Variants in SORCS2 observed in about 807,000 individuals in gnomAD.
The protein encoded by SORCS2 is sortilin related VPS10 domain containing receptor 2.
A neutral mutation model predicts 141.6 loss-of-function variants in SORCS2; 100 were observed. That is an observed-to-expected ratio of 0.71 (90% CI 0.60 to 0.83). The LOEUF (loss-of-function observed/expected upper bound fraction) is 0.83. SORCS2 is among the 40% of genes least tolerant of loss of function. The probability of loss-of-function intolerance (pLI) is 0.00; values close to 1 mark genes in which losing one functional copy is unlikely to be tolerated. For synonymous variants in SORCS2, 789 were observed against 676.9 expected, an observed-to-expected ratio of 1.17 and a Z score of -2.57; for missense variants, 1,646 against 1,560.2, an observed-to-expected ratio of 1.05 and a Z score of -0.93.
intron 1 of SORCS2, among the ~76,000 whole-genome samples, chr4:7,236,950 C>G (rs1288420391): frequency 1.3e-5 from 2 of 152,206 alleles, no homozygotes; most frequent in African/African-American, 4.8e-5. Context: ...GGAGACCTGG[C>G]CTTGGGGGAG....
At chr4:7,264,749 C>G (rs1317078986) in intron 1 of SORCS2, among the ~76,000 whole-genome samples, 2 of 152,340 alleles carry the variant, frequency 1.3e-5, no homozygotes, top group South Asian at 2.1e-4. Flanking sequence ...TGGGTCTGCT[C>G]TCTGCAGTCC....
intron 3 of SORCS2, among the ~76,000 whole-genome samples, chr4:7,580,373 C>G (rs767491346): frequency 1.6e-4 from 25 of 151,990 alleles, no homozygotes; most frequent in Non-Finnish European, 2.5e-4. Flanking sequence ...GTTTGTAATC[C>G]CAGCTACTCA....
chr4:7,616,481 G>T (rs1403362108), intron 3 of SORCS2, among the ~76,000 whole-genome samples: 1 of 151,934 alleles, frequency 6.6e-6, no homozygotes, highest in Admixed American at 6.6e-5. Flanking sequence ...TCTAGCCCCT[G>T]AGCTACCCTT....
intron 2 of SORCS2, among the ~76,000 whole-genome samples, chr4:7,438,585 A>G (rs548745312): frequency 6.6e-6 from 1 of 152,128 alleles, no homozygotes; most frequent in African/African-American, 2.4e-5. Flanking sequence ...CTGTGAATAA[A>G]AAAGCTTTAT....
At chr4:7,599,323 G>C (rs1717500323) in intron 3 of SORCS2, among the ~76,000 whole-genome samples, 1 of 152,174 alleles carries the variant, frequency 6.6e-6, no homozygotes, top group African/African-American at 2.4e-5. Flanking sequence ...GGACTGAAGT[G>C]GCGGTGATCC....
Position 7,434,329 on chromosome 4 carries a change from C to T in SORCS2, c.548+37974C>T, listed in dbSNP as rs1395980142. The T allele has an allele frequency of 1.9e-6, 3 of 1,610,900 alleles. No individual in the cohort carries two copies. The South Asian group carries it at 3.3e-5, about 18-fold the overall frequency. On this transcript the variant is annotated intron_variant, in intron 2 of 26. Coordinates refer to ENST00000507866, the MANE Select transcript of SORCS2 (RefSeq NM_020777.3). ...GGAGACCTGCCGTACACAGTCTTGG[C>T]ACAGAGCTCCTTCAGGCGCCTGGCG...
chr4:7,673,006 C>T (rs1722882100), intron 8 of SORCS2, among the ~76,000 whole-genome samples: 1 of 152,216 alleles, frequency 6.6e-6, no homozygotes, highest in South Asian at 2.1e-4. Flanking sequence ...TATGTACAAT[C>T]ACATATACTA....
chr4:7,540,990 C>T (rs539609758), intron 3 of SORCS2, among the ~76,000 whole-genome samples: 1 of 152,366 alleles, frequency 6.6e-6, no homozygotes, highest in Non-Finnish European at 1.5e-5. Flanking sequence ...GGTACAATGC[C>T]AGGCACACAG....
chr4:7,660,224 C>T (rs1037589195), intron 5 of SORCS2, among the ~76,000 whole-genome samples: 1 of 152,208 alleles, frequency 6.6e-6, no homozygotes, highest in Admixed American at 6.5e-5. Flanking sequence ...TTAAAGACTT[C>T]GCCCAGCAGG....
chr4:7,683,299 CTGGGCTCAGCTGAGT>C (rs1723656735), intron 10 of SORCS2, among the ~76,000 whole-genome samples: 1 of 150,304 alleles, frequency 6.7e-6, no homozygotes, highest in Admixed American at 6.6e-5. Context: ...CTGACCTTGG[CTGGGCTCAGCTGAGT>C]GGCTCTGCTG....
intron 23 of SORCS2, among the ~76,000 whole-genome samples, chr4:7,732,172 G>A (rs1711741402): frequency 6.6e-6 from 1 of 152,212 alleles, no homozygotes. Context: ...ACACACAAAT[G>A]GCCAACAGGT....
chr4:7,394,014 A>C (rs1724039000), intron 1 of SORCS2, among the ~76,000 whole-genome samples: 2 of 151,842 alleles, frequency 1.3e-5, no homozygotes, highest in Non-Finnish European at 2.9e-5. Flanking sequence ...CTTCTCCAGC[A>C]CTGGCCCTTC....
intron 2 of SORCS2, among the ~76,000 whole-genome samples, chr4:7,420,392 C>A (rs1260164541): frequency 6.6e-6 from 1 of 152,190 alleles, no homozygotes; most frequent in Admixed American, 6.5e-5. Flanking sequence ...GCAGTGAAAG[C>A]ACCAAGCCAT....
chr4:7,202,100 C>T (rs1727513750), intron 1 of SORCS2, among the ~76,000 whole-genome samples: 1 of 152,192 alleles, frequency 6.6e-6, no homozygotes, highest in Non-Finnish European at 1.5e-5. Flanking sequence ...TCTCTCCCCG[C>T]TCCCAGCAGG....
At chr4:7,705,838 C>A (rs1458316703) in intron 14 of SORCS2, among the ~76,000 whole-genome samples, 1 of 152,278 alleles carries the variant, frequency 6.6e-6, no homozygotes, top group African/African-American at 2.4e-5. Flanking sequence ...GAGTGCCTGA[C>A]CCCAGCCTCT....
chr4:7,490,596 G>A (rs941953902), intron 2 of SORCS2, among the ~76,000 whole-genome samples: 1 of 152,172 alleles, frequency 6.6e-6, no homozygotes, highest in Non-Finnish European at 1.5e-5. Flanking sequence ...GGTGAGGATG[G>A]CAGACATGCA....
At chr4:7,724,449 G>A (rs1299515318) in intron 19 of SORCS2, among the ~76,000 whole-genome samples, 7 of 118,398 alleles carry the variant, frequency 5.9e-5, no homozygotes, top group Admixed American at 3.4e-4. Flanking sequence ...TGACAATGGT[G>A]GTGGTGATGG....
intron 1 of SORCS2, among the ~76,000 whole-genome samples, chr4:7,369,725 G>A (rs932951540): frequency 6.6e-6 from 1 of 152,170 alleles, no homozygotes. Flanking sequence ...ACATGCCTCT[G>A]GTCGGCTTTG....
At chr4:7,298,122 G>A (rs1039592837) in intron 1 of SORCS2, among the ~76,000 whole-genome samples, 1 of 152,212 alleles carries the variant, frequency 6.6e-6, no homozygotes, top group Non-Finnish European at 1.5e-5. Context: ...GGAGGCGACG[G>A]GGCTGGGGAC....
Sources: gnomAD v4.1 joint callset for allele counts (sites outside exome capture counted in the v4.1 genomes callset) on GRCh38, gnomAD v4.1.1 for gene constraint, MANE v1.5 for transcripts, NCBI Gene and HGNC (gene_info 2026-07-23, HGNC 2026-07-21) for gene names.